Variants in ADAMTS20 observed in about 807,000 individuals in gnomAD.
ADAMTS20 encodes the protein ADAM metallopeptidase with thrombospondin type 1 motif 20.
A neutral mutation model predicts 260.1 loss-of-function variants in ADAMTS20; 225 were observed. That is an observed-to-expected ratio of 0.87 (90% CI 0.78 to 0.97). ADAMTS20 has a LOEUF of 0.97. ADAMTS20 is among the 50% of genes least tolerant of loss of function. The pLI, the probability that ADAMTS20 is intolerant of heterozygous loss-of-function variation, is 0.00. For missense variants in ADAMTS20, 2,400 were observed against 2,337.7 expected (o/e 1.03, Z -0.55); for synonymous variants, 802 against 769.5 (o/e 1.04, Z -0.70).
At chr12:43,415,164 T>G (rs933431998) in intron 28 of ADAMTS20, among the ~76,000 whole-genome samples, 2 of 152,222 alleles carry the variant, frequency 1.3e-5, no homozygotes. Context: ...ATGAATCTAT[T>G]ATGTTTGATG....
chr12:43,443,914 C>T (rs1431665551), intron 15 of ADAMTS20, 31 bp from the exon 16 acceptor site: 2 of 1,578,022 alleles, frequency 1.3e-6, no homozygotes, highest in South Asian at 2.2e-5. Flanking sequence ...TGTTAAATTT[C>T]ACAAAAAGCA....
At chr12:43,428,123 T>C in intron 26 of ADAMTS20, 118 bp downstream of exon 26, 1 of 1,048,608 alleles carries the variant, frequency 9.5e-7, no homozygotes, top group Non-Finnish European at 1.4e-6. Context: ...ATATTTAAAC[T>C]ATTGATCTTG....
At position 43,356,537 on chromosome 12, in the gene ADAMTS20, C is replaced by T. The variant is rs374414586; in HGVS notation, c.5590G>A (p.Ala1864Thr). The T allele has an allele frequency of 1.2e-6, 2 of 1,612,038 alleles. No individual in the cohort carries two copies. The highest frequency in any genetic ancestry group is 1.7e-6 in the Non-Finnish European group (2 of 1,178,976). ...TAACTCCCCTGAGTGAGCCACTTTG[C>T]TGTGCTGGATATCTTCATCCCAGTT... ...SGTGMKISST[A>T]KWLTQGSYTS... The change falls in exon 38 of 39, where the codon GCA (alanine) becomes ACA (threonine). Residue 1864 changes from alanine (A) to threonine (T), a missense_variant. Physicochemically the swap from Ala to Thr is moderately conservative, Grantham distance 58. Transcript: ENST00000389420.
rs146293853 is a variant in ADAMTS20 at position 43,506,780 on chromosome 12, C to CT, written c.614-4376dup. Among the ~76,000 whole-genome samples, 515 of 141,130 alleles carry CT rather than the reference C, an allele frequency of 3.6e-3. 2 individuals carry two copies. The highest frequency in any genetic ancestry group is 0.019 in the Middle Eastern group (5 of 270). The allele number at this position is 141,130 out of a possible 152,430, so 92.6% of individuals were successfully genotyped here. A position where few individuals can be genotyped will look rare whatever the true frequency, so the allele number is the denominator to read the frequency against. On this transcript the variant is annotated intron_variant, in intron 3 of 38. Coordinates refer to ENST00000389420, the MANE Select transcript of ADAMTS20 (RefSeq NM_025003.5). ...GGCGTGAGCCACCGTGCCTGGCCAC[C>CT]TTTTTTTTTTTTTTTTTACCACAAT...
At chr12:43,413,823 T>C (rs1262911032) in intron 28 of ADAMTS20, among the ~76,000 whole-genome samples, 2 of 152,106 alleles carry the variant, frequency 1.3e-5, no homozygotes, top group African/African-American at 2.4e-5. Flanking sequence ...AGAAGAAAAT[T>C]CATTTCTTCC....
chr12:43,529,604 G>C (rs530030619), intron 3 of ADAMTS20, among the ~76,000 whole-genome samples: 1 of 152,124 alleles, frequency 6.6e-6, no homozygotes, highest in African/African-American at 2.4e-5. Context: ...GCTACGCTAT[G>C]AGTATGCAAA....
At chr12:43,540,611 A>G (rs567911948) in intron 2 of ADAMTS20, among the ~76,000 whole-genome samples, 1 of 140,462 alleles carries the variant, frequency 7.1e-6, no homozygotes, top group South Asian at 2.5e-4. Flanking sequence ...TTTAACTTGG[A>G]AAGAACCCAG....
chr12:43,460,651 C>A (rs1942042460), intron 11 of ADAMTS20, among the ~76,000 whole-genome samples: 1 of 151,900 alleles, frequency 6.6e-6, no homozygotes, highest in Non-Finnish European at 1.5e-5. Flanking sequence ...CAGCTTTATT[C>A]ATAATAACCA....
intron 37 of ADAMTS20, among the ~76,000 whole-genome samples, chr12:43,367,313 AT>A (rs1284670992): frequency 1.3e-4 from 20 of 152,176 alleles, no homozygotes; most frequent in African/African-American, 4.8e-4. Context: ...AGCAAACCAA[AT>A]TTAGCAATAT....
chr12:43,428,761 A>G lies in ADAMTS20; in HGVS notation c.3528T>C (p.Tyr1176=), dbSNP rs772175058. 6.2e-6 allele frequency: 10 copies of G among 1,610,230 alleles called. No individual in the cohort carries two copies. The highest frequency in any genetic ancestry group is 1.7e-5 in the Admixed American group (1 of 59,810). ...VSCGRGTQAR[Y]VSCRDALDRI... ...TATCAAGAGCATCACGACAGCTTAC[A>G]TAGCGGGCTTGAGTACCTCTTCCAC... Residue 1176 remains tyrosine (Y), a synonymous_variant, in exon 25 of 39, where the codon TAT becomes TAC. Coordinates refer to ENST00000389420, the MANE Select transcript of ADAMTS20 (RefSeq NM_025003.5).
At chr12:43,399,433 T>G (rs1165962193) in intron 28 of ADAMTS20, among the ~76,000 whole-genome samples, 200 bp from the exon 29 acceptor site, 5 of 152,136 alleles carry the variant, frequency 3.3e-5, no homozygotes, top group African/African-American at 9.7e-5. Flanking sequence ...TATCATAAGG[T>G]AATATGATTA....
In ADAMTS20 at chr12:43,383,616, G is replaced by C; in HGVS notation, c.4739C>G (p.Ser1580Cys). Residue 1580 changes from serine to cysteine, a missense_variant, in exon 31 of 39, where the codon TCC (serine) becomes TGC (cysteine). Ser to Cys is a moderately radical substitution (Grantham distance 112, BLOSUM62 -1). Transcript: ENST00000389420. Reference protein sequence around the residue: ...VYNSSTISLTSKNCRNPPCNY... With the variant: ...VYNSSTISLTCKNCRNPPCNY... ...GCAAGGAGGGTTCCTGCAATTCTTG[G>C]ATGTAAGAGATATGGTTGAAGAATT... is the stretch of plus-strand genomic sequence containing the variant. 6.2e-7 allele frequency: 1 copy of C among 1,613,690 alleles called. No homozygotes were observed. Among genetic ancestry groups the C allele is most frequent in the Non-Finnish European group, 8.5e-7 (1 of 1,179,796 alleles).
chr12:43,551,981 G>C lies in ADAMTS20; in HGVS notation c.-60C>G, dbSNP rs1038012602. 6 of 1,446,246 alleles carry C rather than the reference G, an allele frequency of 4.1e-6. No individual in the cohort carries two copies. In the Admixed American group the frequency reaches 6.8e-5, roughly 16 times the overall value. The allele number at this position is 1,446,246 out of a possible 1,614,324, so 89.6% of individuals were successfully genotyped here. On this transcript the variant is annotated 5_prime_UTR_variant, in exon 1 of 39. Transcript: ENST00000389420. The surrounding 1 kb of genome is among the most constrained non-coding windows in gnomAD (Gnocchi z 4.6). ...ACCAGAGCCGCCGGCAGCCAAGCCG[G>C]CTTCCCTCGCGCTCCGATCCCTCTC... is the stretch of plus-strand genomic sequence containing the variant.
chr12:43,504,114 T>G (rs1942807869), intron 3 of ADAMTS20, among the ~76,000 whole-genome samples: 1 of 152,182 alleles, frequency 6.6e-6, no homozygotes, highest in Admixed American at 6.5e-5. Flanking sequence ...ATTCTGTTTT[T>G]AGTTCTTTGA....
At chr12:43,370,815 T>C (rs1940091317) in intron 36 of ADAMTS20, among the ~76,000 whole-genome samples, 1 of 152,210 alleles carries the variant, frequency 6.6e-6, no homozygotes. Flanking sequence ...TGTCACTAAT[T>C]CTCACACCCC....
intron 16 of ADAMTS20, among the ~76,000 whole-genome samples, chr12:43,440,790 A>G (rs1941648588): frequency 6.6e-6 from 1 of 152,172 alleles, no homozygotes; most frequent in African/African-American, 2.4e-5. Context: ...CTTATCTTAG[A>G]AAAAAGGTAC....
At chr12:43,406,002 T>C (rs1248299497) in intron 28 of ADAMTS20, among the ~76,000 whole-genome samples, 3 of 152,198 alleles carry the variant, frequency 2.0e-5, no homozygotes. Context: ...AACCTTTTCG[T>C]TTAAGTAAAG....
intron 11 of ADAMTS20, among the ~76,000 whole-genome samples, chr12:43,457,190 C>T (rs1268576231): frequency 1.3e-5 from 2 of 152,174 alleles, no homozygotes; most frequent in African/African-American, 4.8e-5. Context: ...GGGCTCTACA[C>T]ACTTGGTTTT....
intron 37 of ADAMTS20, among the ~76,000 whole-genome samples, chr12:43,367,874 A>G (rs1940021374): frequency 6.6e-6 from 1 of 151,962 alleles, no homozygotes; most frequent in African/African-American, 2.4e-5. Context: ...GCAAAAATTG[A>G]TTATTTATTT....
Sources: allele counts gnomAD v4.1 joint callset (sites outside exome capture counted in the v4.1 genomes callset), GRCh38; gene constraint gnomAD v4.1.1; non-coding constraint Gnocchi (gnomAD v3.1); transcripts MANE v1.5; gene names NCBI Gene and HGNC (gene_info 2026-07-23, HGNC 2026-07-21).